SRD5A2: variants seen among roughly 807,000 people sequenced by gnomAD.
The protein encoded by SRD5A2 is steroid 5 alpha-reductase 2.
A neutral mutation model predicts 27.4 loss-of-function variants in SRD5A2; 30 were observed. The observed-to-expected ratio is 1.10, with a 90% CI of 0.82 to 1.49. SRD5A2 has a LOEUF of 1.49. SRD5A2 is among the 40% of genes most tolerant of loss of function. The pLI is 0.00. For synonymous variants in SRD5A2, 141 were observed against 133.6 expected, an observed-to-expected ratio of 1.06 and a Z score of -0.38; for missense variants, 348 against 323.4, an observed-to-expected ratio of 1.08 and a Z score of -0.58.
intron 2 of SRD5A2, 134 bp downstream of exon 2, chr2:31,533,469 G>A (rs935955141): frequency 8.0e-6 from 6 of 748,366 alleles, no homozygotes; most frequent in Admixed American, 2.6e-5. Flanking sequence ...ATAGAGAAAA[G>A]ATCAGGGTAG....
chr2:31,660,860 A>G, the SRD5A2 span, among the ~76,000 whole-genome samples: 1 of 152,092 alleles, frequency 6.6e-6, no homozygotes, highest in Non-Finnish European at 1.5e-5. Flanking sequence ...AAAAAAAGAT[A>G]GGCCCTTACT....
At chr2:31,599,424 T>C in the SRD5A2 span, among the ~76,000 whole-genome samples, 5 of 151,990 alleles carry the variant, frequency 3.3e-5, 1 homozygote, top group African/African-American at 1.2e-4. Context: ...AAACAAGCTT[T>C]AAAACCTTCA....
chr2:31,531,502 T>G, intron 2 of SRD5A2, 30 bp from the exon 3 acceptor site: 18 of 1,469,544 alleles, frequency 1.2e-5, no homozygotes, highest in Non-Finnish European at 1.7e-5. Flanking sequence ...AGGAGAAATT[T>G]TTTTTAAATG....
intron 1 of SRD5A2, among the ~76,000 whole-genome samples, chr2:31,542,347 A>AATTT (rs1463931383): frequency 6.6e-6 from 1 of 152,088 alleles, no homozygotes; most frequent in Non-Finnish European, 1.5e-5. Flanking sequence ...ATCTCTATTA[A>AATTT]ATTTATTTAT....
intron 1 of SRD5A2, among the ~76,000 whole-genome samples, chr2:31,578,651 C>A (rs1464082794): frequency 6.6e-6 from 1 of 152,182 alleles, no homozygotes; most frequent in African/African-American, 2.4e-5. Flanking sequence ...GAACAAGTAG[C>A]TCAAGAGTTG....
intron 1 of SRD5A2, among the ~76,000 whole-genome samples, chr2:31,549,760 T>C (rs1666346991): frequency 1.3e-5 from 2 of 152,114 alleles, no homozygotes; most frequent in South Asian, 4.1e-4. Flanking sequence ...GAAGGAAAAA[T>C]AAATAGATCT....
At chr2:31,653,453 G>A in the SRD5A2 span, among the ~76,000 whole-genome samples, 1 of 152,020 alleles carries the variant, frequency 6.6e-6, no homozygotes, top group Non-Finnish European at 1.5e-5. Flanking sequence ...TTGGCTCTGG[G>A]ATACCTCACT....
At chr2:31,617,240 T>G in the SRD5A2 span, among the ~76,000 whole-genome samples, 1 of 151,950 alleles carries the variant, frequency 6.6e-6, no homozygotes. Flanking sequence ...TTGTAACATC[T>G]GAAAGCCTGA....
intron 1 of SRD5A2, among the ~76,000 whole-genome samples, chr2:31,557,546 C>T (rs1427159970): frequency 6.6e-6 from 1 of 152,030 alleles, no homozygotes; most frequent in Non-Finnish European, 1.5e-5. Flanking sequence ...AATGTGAAGG[C>T]TACCTAGTAA....
At chr2:31,652,482 G>C in the SRD5A2 span, among the ~76,000 whole-genome samples, 2 of 151,844 alleles carry the variant, frequency 1.3e-5, no homozygotes, top group African/African-American at 4.8e-5. Context: ...AAAAATTAAG[G>C]CCCAGCACTC....
intron 2 of SRD5A2, 81 bp downstream of exon 2, chr2:31,533,522 G>C: frequency 7.6e-7 from 1 of 1,322,156 alleles, no homozygotes; most frequent in Non-Finnish European, 1.1e-6. Context: ...GGTCATTGCA[G>C]TAGGGAGAGG....
the SRD5A2 span, among the ~76,000 whole-genome samples, chr2:31,637,671 T>C: frequency 5.3e-5 from 8 of 152,056 alleles, no homozygotes; most frequent in Non-Finnish European, 1.2e-4. Context: ...CTATACACTG[T>C]TGCTCAGATA....
At chr2:31,619,206 T>C in the SRD5A2 span, among the ~76,000 whole-genome samples, 1 of 152,106 alleles carries the variant, frequency 6.6e-6, no homozygotes, top group African/African-American at 2.4e-5. Flanking sequence ...TCTCATACAC[T>C]GTTAGTGGGG....
In SRD5A2 at chr2:31,523,117, A is replaced by C. The variant is rs2148057962; in HGVS notation, c.*3079T>G. The C allele has an allele frequency of 4.6e-6, 1 of 216,744 alleles. No homozygotes were observed. The highest frequency in any genetic ancestry group is 1.9e-4 in the South Asian group (1 of 5,388). The allele number at this position is 216,744 out of a possible 1,614,324, so 13.4% of individuals were successfully genotyped here. A position where few individuals can be genotyped will look rare whatever the true frequency, so the allele number is the denominator to read the frequency against. ...GTTGTTCTTTATGAAAGTAAGCATTAGGGATAAGGGGGTTTATGACCTGAA... is the reference window on the plus strand; with the variant it reads ...GTTGTTCTTTATGAAAGTAAGCATTCGGGATAAGGGGGTTTATGACCTGAA... On this transcript the variant is annotated 3_prime_UTR_variant, in exon 5 of 5. Coordinates refer to ENST00000622030, the MANE Select transcript of SRD5A2 (RefSeq NM_000348.4).
At chr2:31,584,406 T>C (rs376461795), upstream of SRD5A2, among the ~76,000 whole-genome samples, 1 of 152,172 alleles carries the variant, frequency 6.6e-6, no homozygotes, top group African/African-American at 2.4e-5. Context: ...CTTTACAATA[T>C]CCAGCATTCC....
intron 1 of SRD5A2, among the ~76,000 whole-genome samples, chr2:31,574,902 A>G (rs1457807424): frequency 6.6e-6 from 1 of 152,206 alleles, no homozygotes; most frequent in East Asian, 1.9e-4. Context: ...ATACAACCAC[A>G]TTCATCTGTT....
the SRD5A2 span, among the ~76,000 whole-genome samples, chr2:31,653,935 AGGCGT>A: frequency 6.6e-6 from 1 of 152,224 alleles, no homozygotes; most frequent in Non-Finnish European, 1.5e-5. Context: ...CTGGGATTAC[AGGCGT>A]GACCCACTGC....
the SRD5A2 span, among the ~76,000 whole-genome samples, chr2:31,616,219 C>G: frequency 6.6e-6 from 1 of 152,170 alleles, no homozygotes; most frequent in Non-Finnish European, 1.5e-5. Flanking sequence ...CATGGAGAAC[C>G]TCCACTAGGG....
intron 1 of SRD5A2, among the ~76,000 whole-genome samples, chr2:31,534,443 GCA>G (rs1225628939): frequency 5.9e-5 from 9 of 152,084 alleles, no homozygotes; most frequent in African/African-American, 2.2e-4. Context: ...CCCTAGTTTG[GCA>G]CATTCATCAC....
Sources: allele counts gnomAD v4.1 joint callset (sites outside exome capture counted in the v4.1 genomes callset), GRCh38; gene constraint gnomAD v4.1.1; transcripts MANE v1.5; gene names NCBI Gene and HGNC (gene_info 2026-07-23, HGNC 2026-07-21).